The following RAB37 variants were observed in gnomAD, a reference collection of about 807,000 sequenced individuals.
RAB37 encodes the protein RAB37, member RAS oncogene family.
In RAB37, 29 loss-of-function variants were observed where a neutral mutation model predicts 33.1. That is an observed-to-expected ratio of 0.88 (90% CI 0.65 to 1.20). The LOEUF (loss-of-function observed/expected upper bound fraction) is 1.20, where lower values mean the gene tolerates loss of function less well. Ranked by LOEUF, RAB37 falls within the 50% of genes most tolerant of loss-of-function variation. The probability of loss-of-function intolerance (pLI) is 0.00; values close to 1 mark genes in which losing one functional copy is unlikely to be tolerated. For missense variants in RAB37, 299 were observed against 301.1 expected, an observed-to-expected ratio of 0.99 and a Z score of 0.05; for synonymous variants, 128 against 119.5, an observed-to-expected ratio of 1.07 and a Z score of -0.47.
chr17:74,744,303 C>A lies in RAB37; in HGVS notation c.367-5C>A. 1 of 1,612,446 alleles carries A rather than the reference C, an allele frequency of 6.2e-7. No individual in the cohort carries two copies. The highest frequency in any genetic ancestry group is 1.1e-5 in the South Asian group (1 of 90,924). ...AATGCCAGTCTCGCACGCCCTCTCC[C>A]ACAGGCCTGGCTCACTGAGATTCAT... On this transcript the variant is annotated splice_polypyrimidine_tract_variant and splice_region_variant and intron_variant, in intron 5 of 8. Coordinates refer to ENST00000392613, the MANE Select transcript of RAB37 (RefSeq NM_001006638.3). The surrounding 1 kb of genome is among the most constrained non-coding windows in gnomAD (Gnocchi z 4.2).
upstream of RAB37, among the ~76,000 whole-genome samples, chr17:74,732,298 C>T (rs1779298513): frequency 6.6e-6 from 1 of 152,210 alleles, no homozygotes; most frequent in African/African-American, 2.4e-5. Flanking sequence ...GGTCCATGCG[C>T]CACATTTTGC....
At chr17:74,693,648 T>C (rs1252011682) in intron 1 of RAB37, among the ~76,000 whole-genome samples, 1 of 151,710 alleles carries the variant, frequency 6.6e-6, no homozygotes, top group East Asian at 1.9e-4. Context: ...AATAACTCTG[T>C]CTGGGTGTGG....
intron 1 of RAB37, among the ~76,000 whole-genome samples, chr17:74,682,761 G>A (rs1299373255): frequency 2.6e-5 from 4 of 152,198 alleles, no homozygotes; most frequent in Non-Finnish European, 5.9e-5. Context: ...AAAATTAGCC[G>A]GTTGTGGTGG....
At chr17:74,727,810 G>A (rs910018200) in intron 1 of RAB37, among the ~76,000 whole-genome samples, 9 of 152,118 alleles carry the variant, frequency 5.9e-5, no homozygotes, top group African/African-American at 1.9e-4. Context: ...GTGTGTCTGG[G>A]TGTATGTGTG....
upstream of RAB37, among the ~76,000 whole-genome samples, chr17:74,732,419 A>G (rs1598314596): frequency 6.7e-6 from 1 of 150,224 alleles, no homozygotes; most frequent in East Asian, 2.0e-4. Context: ...GTTTTCTGCC[A>G]TCGACCTGGA....
intron 1 of RAB37, among the ~76,000 whole-genome samples, chr17:74,725,937 C>A (rs1442910748): frequency 6.6e-6 from 1 of 150,586 alleles, no homozygotes; most frequent in African/African-American, 2.4e-5. Flanking sequence ...ATTTCTAATG[C>A]TGATAAAAAA....
At position 74,744,820 on chromosome 17, in the gene RAB37, G is replaced by A. The variant is rs201066696; in HGVS notation, c.433-53G>A. 2.5e-6 allele frequency: 4 copies of A among 1,607,468 alleles called. No homozygotes were observed. The highest frequency in any genetic ancestry group is 3.3e-4 in the Middle Eastern group (2 of 6,052). On this transcript the variant is annotated intron_variant, in intron 6 of 8. Transcript: ENST00000392613. This position sits in a 1 kb window ranked among gnomAD's most constrained non-coding sequence, Gnocchi z 4.2. ...CGCCTGCTTCTGGGGCAAAATATGGGCCCGCTGGGGCGGAGGCCTCCTTCC... is the reference window on the plus strand; with the variant it reads ...CGCCTGCTTCTGGGGCAAAATATGGACCCGCTGGGGCGGAGGCCTCCTTCC...
At chr17:74,726,207 C>A (rs2034304950) in intron 1 of RAB37, among the ~76,000 whole-genome samples, 1 of 150,038 alleles carries the variant, frequency 6.7e-6, no homozygotes, top group African/African-American at 2.5e-5. Flanking sequence ...CGCATTCCAG[C>A]CTGGGCGACA....
intron 1 of RAB37, among the ~76,000 whole-genome samples, chr17:74,722,262 G>A (rs1320262432): frequency 2.7e-5 from 4 of 148,682 alleles, no homozygotes; most frequent in South Asian, 2.1e-4. Context: ...TGGCCTGGGC[G>A]ACAGAGCGAG....
At chr17:74,680,470 G>T (rs147857918) in intron 1 of RAB37, among the ~76,000 whole-genome samples, 1 of 152,066 alleles carries the variant, frequency 6.6e-6, no homozygotes, top group Non-Finnish European at 1.5e-5. Context: ...TTTTTTGTTC[G>T]CTAAGCATGA....
chr17:74,671,560 G>C lies in RAB37; in HGVS notation c.-27G>C. On this transcript the variant is annotated 5_prime_UTR_variant, in exon 1 of 8. Transcript: ENST00000340415. This position sits in a 1 kb window ranked among gnomAD's most constrained non-coding sequence, Gnocchi z 5.0. Reference sequence around the variant, plus strand: ...AGCGCTGACGCAGAGCGCAGGGAGAGCCGGAGCGGCGAGCTCCAAGCCTGG... The same window carrying C: ...AGCGCTGACGCAGAGCGCAGGGAGACCCGGAGCGGCGAGCTCCAAGCCTGG... The C allele has an allele frequency of 1.2e-6, 2 of 1,612,660 alleles. No individual in the cohort carries two copies. The highest frequency in any genetic ancestry group is 1.7e-6 in the Non-Finnish European group (2 of 1,178,862).
rs1364240010 is a variant in RAB37, at chr17:74,743,295, T to C, written c.321T>C (p.Leu107=). ...HAYYRDAQAL[L]LLYDITNKSS... ...TGATCCTCTCCCCTCCAGCCTTGCT[T>C]CTGCTGTATGACATCACCAACAAAT... Residue 107 remains leucine (L), a synonymous_variant, in exon 5 of 9, where the codon CTT becomes CTC. Transcript: ENST00000392613. 6.2e-7 allele frequency: 1 copy of C among 1,613,996 alleles called. No individual in the cohort carries two copies. The highest frequency in any genetic ancestry group is 8.5e-7 in the Non-Finnish European group (1 of 1,180,030).
intron 1 of RAB37, chr17:74,695,015 T>TGAGGG: frequency 6.8e-7 from 1 of 1,462,826 alleles, no homozygotes; most frequent in Non-Finnish European, 9.3e-7. Flanking sequence ...TTGGTCCTGA[T>TGAGGG]GAGGGGAGCA....
chr17:74,717,806 T>C (rs1328373779), intron 1 of RAB37, among the ~76,000 whole-genome samples: 4 of 110,966 alleles, frequency 3.6e-5, no homozygotes, highest in African/African-American at 1.4e-4. Flanking sequence ...CGAAACTCCA[T>C]CTAAAAAAAA....
At position 74,728,474 on chromosome 17, in the gene RAB37, G is replaced by A. The variant is rs991777423; in HGVS notation, c.73-782G>A. 5.4e-4 allele frequency among the ~76,000 whole-genome samples: 82 copies of A among 151,398 alleles called. 1 individual carries two copies. Among genetic ancestry groups the A allele is most frequent in the Non-Finnish European group, 2.4e-4 (16 of 67,840 alleles). ...TACAAGTGTGTCTGTGTCTGTATACGTGTGTTTCTGTGTGTACACGTTTTT... is the reference window on the plus strand; with the variant it reads ...TACAAGTGTGTCTGTGTCTGTATACATGTGTTTCTGTGTGTACACGTTTTT... On this transcript the variant is annotated intron_variant, in intron 1 of 7. Coordinates refer to the RAB37 transcript ENST00000340415.
chr17:74,702,567 G>A (rs1362231127), intron 1 of RAB37, among the ~76,000 whole-genome samples: 1 of 151,990 alleles, frequency 6.6e-6, no homozygotes, highest in Non-Finnish European at 1.5e-5. Context: ...GAAAATTAAG[G>A]GAAACAGGAC....
Position 74,742,388 on chromosome 17 carries a change from G to A in RAB37, c.246+93G>A, listed in dbSNP as rs920558204. On this transcript the variant is annotated intron_variant, in intron 3 of 8. Coordinates refer to ENST00000392613, the MANE Select transcript of RAB37 (RefSeq NM_001006638.3). This position sits in a 1 kb window ranked among gnomAD's most constrained non-coding sequence, Gnocchi z 4.0. ...CAGGAGGCCTGCAGCCCTGCCCTCC[G>A]CCTGGGGCAATTTCCTGTGGGGCCC... 36 of 995,596 alleles carry A rather than the reference G, an allele frequency of 3.6e-5. No individual in the cohort carries two copies. The highest frequency in any genetic ancestry group is 2.4e-4 in the Middle Eastern group (1 of 4,222). The allele number at this position is 995,596 out of a possible 1,614,324, so 61.7% of individuals were successfully genotyped here.
upstream of RAB37, chr17:74,736,808 G>A (rs951662754): frequency 1.3e-6 from 2 of 1,535,036 alleles, no homozygotes; most frequent in African/African-American, 1.4e-5. Flanking sequence ...GAAGTGTCTC[G>A]GGGCCATCGG....
chr17:74,742,706 A>G lies in RAB37; in HGVS notation c.246+411A>G, dbSNP rs2034649315. ...AGTGGCACAATCTCGGCTCACTGCAACCTCTGCCTCCCAGGTTTAAGAGAT... is the reference window on the plus strand; with the variant it reads ...AGTGGCACAATCTCGGCTCACTGCAGCCTCTGCCTCCCAGGTTTAAGAGAT... On this transcript the variant is annotated intron_variant, in intron 3 of 8. Coordinates refer to ENST00000392613, the MANE Select transcript of RAB37 (RefSeq NM_001006638.3). The surrounding 1 kb of genome is among the most constrained non-coding windows in gnomAD (Gnocchi z 4.0). Among the ~76,000 whole-genome samples, 1 of 151,378 alleles carries G rather than the reference A, an allele frequency of 6.6e-6. No homozygotes were observed. The highest frequency in any genetic ancestry group is 2.4e-5 in the African/African-American group (1 of 41,122).
Sources: gnomAD v4.1 joint callset for allele counts (sites outside exome capture counted in the v4.1 genomes callset) on GRCh38, gnomAD v4.1.1 for gene constraint, Gnocchi (gnomAD v3.1) non-coding constraint, MANE v1.5 for transcripts, NCBI Gene and HGNC (gene_info 2026-07-23, HGNC 2026-07-21) for gene names.